The following SOAT2 variants were observed in gnomAD, a reference collection of about 807,000 sequenced individuals.
The protein encoded by SOAT2 is ACAT-2.
SOAT2 carries 87 observed loss-of-function variants against 76.0 expected under a neutral mutation model. The ratio of observed to expected loss-of-function variants is 1.14; its 90% CI spans 0.96 to 1.37. The LOEUF is 1.37. SOAT2 is among the 40% of genes most tolerant of loss of function. The probability of loss-of-function intolerance (pLI) is 0.00; values close to 1 mark genes in which losing one functional copy is unlikely to be tolerated. For missense variants in SOAT2, 686 were observed against 682.1 expected (o/e 1.01, Z -0.06); for synonymous variants, 285 against 275.4 (o/e 1.03, Z -0.34).
intron 13 of SOAT2, 49 bp downstream of exon 13, chr12:53,123,265 T>A: frequency 6.2e-7 from 1 of 1,607,660 alleles, no homozygotes. Flanking sequence ...GAGGGAGGCC[T>A]GCATCCTGCT....
intron 5 of SOAT2, among the ~76,000 whole-genome samples, chr12:53,110,763 A>G (rs1453528703): frequency 1.3e-5 from 2 of 152,192 alleles, no homozygotes; most frequent in Non-Finnish European, 2.9e-5. Context: ...AGCAAACCTA[A>G]TATTTGACAT....
chr12:53,117,849 T>G lies in SOAT2; in HGVS notation c.779-501T>G, dbSNP rs900583250. Among the ~76,000 whole-genome samples the G allele has an allele frequency of 3.3e-5, 5 of 151,940 alleles. No individual in the cohort carries two copies. The South Asian group carries it at 6.2e-4, about 19-fold the overall frequency. On this transcript the variant is annotated intron_variant, in intron 7 of 14. Coordinates refer to ENST00000301466, the MANE Select transcript of SOAT2 (RefSeq NM_003578.4). ...CTGTGCACCATACCACATATAATAATAAGAAGAAAGAAATATTTCAGGAAT... is the reference window on the plus strand; with the variant it reads ...CTGTGCACCATACCACATATAATAAGAAGAAGAAAGAAATATTTCAGGAAT...
At chr12:53,115,358 T>C in intron 5 of SOAT2, 32 bp from the exon 6 acceptor site, 1 of 1,556,216 alleles carries the variant, frequency 6.4e-7, no homozygotes, top group East Asian at 2.3e-5. Flanking sequence ...GGGCTTCACT[T>C]GTCTACTTTG....
intron 5 of SOAT2, among the ~76,000 whole-genome samples, chr12:53,106,304 CCATA>C (rs1937935330): frequency 6.6e-6 from 1 of 152,208 alleles, no homozygotes; most frequent in Non-Finnish European, 1.5e-5. Context: ...ACATGCACAC[CCATA>C]CACACTCCTT....
chr12:53,109,449 T>C (rs188189018), intron 5 of SOAT2, among the ~76,000 whole-genome samples: 18 of 152,244 alleles, frequency 1.2e-4, no homozygotes, highest in Middle Eastern at 3.4e-3. Context: ...TATATTAGTG[T>C]ACTATTAATG....
At chr12:53,120,434 A>G (rs575473906) in intron 10 of SOAT2, among the ~76,000 whole-genome samples, 2 of 151,996 alleles carry the variant, frequency 1.3e-5, no homozygotes, top group African/African-American at 4.8e-5. Flanking sequence ...GTGCCACTGC[A>G]CTCCAGACTG....
At chr12:53,120,433 C>T (rs971836503) in intron 10 of SOAT2, among the ~76,000 whole-genome samples, 3 of 151,964 alleles carry the variant, frequency 2.0e-5, no homozygotes, top group Non-Finnish European at 4.4e-5. Context: ...CGTGCCACTG[C>T]ACTCCAGACT....
At chr12:53,115,817 G>C (rs1300296302) in intron 6 of SOAT2, among the ~76,000 whole-genome samples, 163 bp downstream of exon 6, 1 of 152,250 alleles carries the variant, frequency 6.6e-6, no homozygotes, top group African/African-American at 2.4e-5. Flanking sequence ...TCCATTACGA[G>C]GGATTTGGGG....
rs564753353 is a variant in SOAT2 at position 53,118,266 on chromosome 12, A to G, written c.779-84A>G. ...ACCCTATCCATTTCTCCACTCACCA[A>G]TCCCACCACCCTTCCCCAGCAGCCC... On this transcript the variant is annotated intron_variant, in intron 7 of 14. Transcript: ENST00000301466. The G allele has an allele frequency of 3.8e-5, 25 of 651,556 alleles. No homozygotes were observed. The Admixed American group carries it at 4.0e-4, about 10-fold the overall frequency. 40.4% of individuals were successfully genotyped at this position (651,556 alleles called of 1,614,324 possible).
At position 53,103,625 on chromosome 12, in the gene SOAT2, G is replaced by A. The variant is rs1415339598; in HGVS notation, c.48G>A (p.Leu16=). The A allele has an allele frequency of 4.0e-5, 62 of 1,544,926 alleles. No individual in the cohort carries two copies. Among genetic ancestry groups the A allele is most frequent in the Non-Finnish European group, 5.2e-5 (60 of 1,146,124 alleles). ...TGCGTCTGCAGAGGACAGAAGGGCT[G>A]GGAGGGGAGCGGGAGCGCCAACCCT... ...ARLRLQRTEG[L]GGERERQPCG... is the part of the protein sequence containing the mutation. The change falls in exon 1 of 15, where the codon CTG becomes CTA. Residue 16 remains leucine, a synonymous_variant. Coordinates refer to ENST00000301466, the MANE Select transcript of SOAT2 (RefSeq NM_003578.4).
intron 5 of SOAT2, among the ~76,000 whole-genome samples, chr12:53,114,824 G>A (rs1172250058): frequency 6.6e-6 from 1 of 152,186 alleles, no homozygotes; most frequent in African/African-American, 2.4e-5. Context: ...ACAAGAAACT[G>A]TACCTATTAT....
Position 53,116,183 on chromosome 12 carries a change from GC to G in SOAT2, c.778+20del. Reference sequence around the variant, plus strand: ...CCAGACGAGGTGAGGCCTTCATCTTGCCCGGTTGTGAACTCAGTCCTCTTGG... The same window carrying G: ...CCAGACGAGGTGAGGCCTTCATCTTGCCGGTTGTGAACTCAGTCCTCTTGG... On this transcript the variant is annotated intron_variant, in intron 7 of 14. Coordinates refer to ENST00000301466, the MANE Select transcript of SOAT2 (RefSeq NM_003578.4). The G allele has an allele frequency of 6.2e-7, 1 of 1,610,794 alleles. No individual in the cohort carries two copies. Among genetic ancestry groups the G allele is most frequent in the Non-Finnish European group, 8.5e-7 (1 of 1,176,996 alleles).
rs56848843 is a variant in SOAT2 at position 53,121,793 on chromosome 12, C to CTT, written c.1236+422_1236+423dup. Among the ~76,000 whole-genome samples the CTT allele has an allele frequency of 1.5e-3, 86 of 56,864 alleles. 14 individuals carry two copies. Among genetic ancestry groups the CTT allele is most frequent in the African/African-American group, 2.2e-3 (28 of 12,624 alleles). The allele number at this position is 56,864 out of a possible 152,430, so 37.3% of individuals were successfully genotyped here. A position where few individuals can be genotyped will look rare whatever the true frequency, so the allele number is the denominator to read the frequency against. ...TAAGTCCCAATGGGATAGTAGCATG[C>CTT]TTTTTTTTTTTTTTTTTTTTTTTTT... is the stretch of plus-strand genomic sequence containing the variant. On this transcript the variant is annotated intron_variant, in intron 12 of 14. Transcript: ENST00000301466.
chr12:53,115,399 G>A lies in SOAT2; in HGVS notation c.453G>A (p.Leu151=). 6.2e-7 allele frequency: 1 copy of A among 1,604,788 alleles called. No individual in the cohort carries two copies. The highest frequency in any genetic ancestry group is 8.5e-7 in the Non-Finnish European group (1 of 1,175,090). Residue 151 remains leucine (L), a synonymous_variant, in exon 6 of 15, where the codon CTG becomes CTA. Transcript: ENST00000301466. ...IDFIDEGRLL[L]EFDLLIFSFG... ...CCTTCCCCACTCCAAGGCTGCTGCT[G>A]GAGTTTGACCTACTGATCTTCAGCT...
intron 8 of SOAT2, 151 bp downstream of exon 8, chr12:53,118,585 T>A (rs928585216): frequency 1.5e-6 from 1 of 665,410 alleles, no homozygotes; most frequent in Non-Finnish European, 2.7e-6. Context: ...AGGTGACTGG[T>A]AGACTACCCT....
chr12:53,114,317 A>G (rs942870308), intron 5 of SOAT2, among the ~76,000 whole-genome samples: 3 of 152,180 alleles, frequency 2.0e-5, no homozygotes, highest in African/African-American at 7.2e-5. Flanking sequence ...AAATAAATTA[A>G]AAAAACTAAA....
chr12:53,106,876 A>G (rs12305929), intron 5 of SOAT2, among the ~76,000 whole-genome samples: 28,691 of 152,054 alleles, frequency 0.19, 3,482 homozygotes, highest in African/African-American at 0.35. Context: ...AATGGGTCCA[A>G]GTGCTGGGGT....
chr12:53,111,395 C>T (rs192050995), intron 5 of SOAT2, among the ~76,000 whole-genome samples: 30 of 152,334 alleles, frequency 2.0e-4, no homozygotes, highest in Non-Finnish European at 2.9e-4. Context: ...GTGTGAGCCA[C>T]CTTGCCCAAC....
chr12:53,119,141 CT>C lies in SOAT2; in HGVS notation c.928del (p.Tyr310MetfsTer17). 3 of 1,613,982 alleles carry C rather than the reference CT, an allele frequency of 1.9e-6. No individual in the cohort carries two copies. The highest frequency in any genetic ancestry group is 2.5e-6 in the Non-Finnish European group (3 of 1,179,978). On this transcript the variant is annotated frameshift_variant, in exon 10 of 15. Coordinates refer to ENST00000301466, the MANE Select transcript of SOAT2 (RefSeq NM_003578.4). LOFTEE classifies it high-confidence loss of function. Reference sequence around the variant, plus strand: ...CCCTCCAGGCCCTGGGATGTGTGCTCTATGCCTGCTTCATCCTGGGCCGCCT... The same window carrying C: ...CCCTCCAGGCCCTGGGATGTGTGCTCATGCCTGCTTCATCCTGGGCCGCCT... ...NFAQALGCVL[Y>X]ACFILGRLCV... is the part of the protein sequence containing the mutation.
Sources: gnomAD v4.1 joint callset for allele counts (sites outside exome capture counted in the v4.1 genomes callset) on GRCh38, gnomAD v4.1.1 for gene constraint, MANE v1.5 for transcripts, NCBI Gene and HGNC (gene_info 2026-07-23, HGNC 2026-07-21) for gene names.